Variants in SLFN11 observed in about 807,000 individuals in gnomAD.
SLFN11 encodes the protein schlafen family member 11.
SLFN11 carries 43 observed loss-of-function variants against 53.4 expected under a neutral mutation model. The ratio of observed to expected loss-of-function variants is 0.80; its 90% CI spans 0.63 to 1.04. The LOEUF (loss-of-function observed/expected upper bound fraction) is 1.04. Ranked by LOEUF, SLFN11 falls within the 50% of genes least tolerant of loss-of-function variation. The pLI, the probability that SLFN11 is intolerant of heterozygous loss-of-function variation, is 0.00. For missense variants in SLFN11, 990 were observed against 1,079.1 expected, an observed-to-expected ratio of 0.92 and a Z score of 1.16; for synonymous variants, 389 against 394.7, an observed-to-expected ratio of 0.99 and a Z score of 0.17.
chr17:35,371,959 T>C (rs930502135), intron 1 of SLFN11, among the ~76,000 whole-genome samples: 4 of 152,060 alleles, frequency 2.6e-5, no homozygotes, highest in Non-Finnish European at 5.9e-5. Flanking sequence ...ATTCAGCAAT[T>C]CTACTCCTAA....
intron 1 of SLFN11, 66 bp downstream of exon 1, chr17:35,373,399 CACCCCTCCA>C: frequency 1.3e-5 from 2 of 151,812 alleles, no homozygotes; most frequent in East Asian, 3.9e-4. Context: ...AGCCCCTCCG[CACCCCTCCA>C]GCCCCTCCCC....
chr17:35,353,216 G>C (rs576397299), intron 6 of SLFN11, 77 bp from the exon 7 acceptor site: 3 of 1,593,046 alleles, frequency 1.9e-6, no homozygotes, highest in South Asian at 2.3e-5. Context: ...ATGTTCCTCC[G>C]AGCACAGTAC....
chr17:35,370,033 C>T (rs890711062), intron 1 of SLFN11, among the ~76,000 whole-genome samples: 3 of 152,018 alleles, frequency 2.0e-5, no homozygotes, highest in African/African-American at 4.8e-5. Context: ...ATTACTGATA[C>T]CAAAACCAAA....
Position 35,353,551 on chromosome 17 carries a change from G to A in SLFN11, c.1707C>T (p.Leu569=), listed in dbSNP as rs532692465. The A allele has an allele frequency of 1.1e-5, 15 of 1,330,284 alleles. No individual in the cohort carries two copies. The Middle Eastern group carries it at 1.0e-3, about 92-fold the overall frequency. The allele number at this position is 1,330,284 out of a possible 1,614,324, so 82.4% of individuals were successfully genotyped here. A position where few individuals can be genotyped will look rare whatever the true frequency, so the allele number is the denominator to read the frequency against. Residue 569 remains leucine, a synonymous_variant, in exon 6 of 7, where the codon CTC becomes CTT. Coordinates refer to ENST00000685675, the MANE Select transcript of SLFN11 (RefSeq NM_001376007.1). ...LGFRSLLSDQ[L]GCEVLNLLTA... is the part of the protein sequence containing the mutation. ...TGAGCAGATTTAAAACCTCACAGCC[G>A]AGCTGGTCACTCAAGAGAGACCTGA...
intron 3 of SLFN11, 144 bp from the exon 4 acceptor site, chr17:35,363,970 G>A: frequency 1.6e-6 from 1 of 629,330 alleles, no homozygotes; most frequent in Non-Finnish European, 2.6e-6. Flanking sequence ...AGAATGGCTG[G>A]CAAGGAAGGG....
In SLFN11 at chr17:35,351,333, A is replaced by T. The variant is rs1906650312; in HGVS notation, c.*1023T>A. The T allele has an allele frequency of 2.0e-5, 3 of 152,234 alleles. No individual in the cohort carries two copies. The allele number at this position is 152,234 out of a possible 1,614,324, so 9.4% of individuals were successfully genotyped here. ...CCTTAATTACTTCCTTAGCAGCCCC[A>T]GCTCCACAGTGCAGGTTGGGGCTTC... On this transcript the variant is annotated 3_prime_UTR_variant, in exon 7 of 7. Coordinates refer to ENST00000685675, the MANE Select transcript of SLFN11 (RefSeq NM_001376007.1).
intron 5 of SLFN11, among the ~76,000 whole-genome samples, chr17:35,357,838 T>A (rs1185859380): frequency 6.9e-6 from 1 of 144,454 alleles, no homozygotes; most frequent in South Asian, 2.1e-4. Flanking sequence ...AATAATAAAA[T>A]TAAAAATATA....
chr17:35,364,389 C>T (rs1010926033), intron 3 of SLFN11, among the ~76,000 whole-genome samples: 13 of 152,064 alleles, frequency 8.5e-5, no homozygotes, highest in Non-Finnish European at 1.6e-4. Flanking sequence ...ACAGAGGTCT[C>T]AGATCTATGG....
At chr17:35,355,287 C>A (rs1907318997) in intron 5 of SLFN11, among the ~76,000 whole-genome samples, 1 of 152,158 alleles carries the variant, frequency 6.6e-6, no homozygotes, top group South Asian at 2.1e-4. Context: ...GTAGTTCCAG[C>A]TACTCAGGAG....
In SLFN11 at chr17:35,363,247, C is replaced by T. The variant is rs750353641; in HGVS notation, c.561G>A (p.Ser187=). The change falls in exon 4 of 7, where the codon TCG becomes TCA. Residue 187 remains serine (S), a synonymous_variant. Transcript: ENST00000685675. ...LPNSDPADPN[S]DPADLIFQKD... ...TTTGGAAAATTAGGTCAGCAGGATC[C>T]GAGTTTGGGTCAGCAGGATCCGAGT... 46 of 1,613,918 alleles carry T rather than the reference C, an allele frequency of 2.9e-5. 2 individuals carry two copies. Among genetic ancestry groups the T allele is most frequent in the Non-Finnish European group, 3.7e-5 (44 of 1,179,970 alleles).
intron 5 of SLFN11, 76 bp from the exon 6 acceptor site, chr17:35,354,135 AATTG>A: frequency 7.9e-7 from 1 of 1,272,206 alleles, no homozygotes; most frequent in South Asian, 2.0e-5. Context: ...ATAATTAACT[AATTG>A]ATTAACTAAA....
chr17:35,369,074 A>T (rs1909320279), intron 1 of SLFN11, among the ~76,000 whole-genome samples: 1 of 152,080 alleles, frequency 6.6e-6, no homozygotes, highest in African/African-American at 2.4e-5. Flanking sequence ...GCTGTGGTGC[A>T]TACAGGCAGA....
intron 3 of SLFN11, among the ~76,000 whole-genome samples, chr17:35,364,475 A>G (rs1334135947): frequency 2.0e-5 from 3 of 152,102 alleles, no homozygotes; most frequent in African/African-American, 7.2e-5. Context: ...AGGTACAGCT[A>G]GGTGATGACT....
chr17:35,360,572 T>C (rs772509593), intron 4 of SLFN11, among the ~76,000 whole-genome samples: 4 of 151,994 alleles, frequency 2.6e-5, no homozygotes, highest in Non-Finnish European at 4.4e-5. Context: ...GAAAAGCCAT[T>C]ATTTGGAAGT....
rs568321822 is a variant in SLFN11, at chr17:35,361,929, G to T, written c.1069+810C>A. Among the ~76,000 whole-genome samples the T allele has an allele frequency of 7.9e-5, 12 of 152,022 alleles. 1 individual carries two copies. In the South Asian group the frequency reaches 2.3e-3, roughly 29 times the overall value. On this transcript the variant is annotated intron_variant, in intron 4 of 6. Transcript: ENST00000685675. Reference sequence around the variant, plus strand: ...CTGACTAATTTTTCTATTTTTAGTAGAGACGGGGTTTCACCATATTGGTCT... The same window carrying T: ...CTGACTAATTTTTCTATTTTTAGTATAGACGGGGTTTCACCATATTGGTCT...
At chr17:35,361,330 G>T (rs1735243566) in intron 4 of SLFN11, among the ~76,000 whole-genome samples, 1 of 152,060 alleles carries the variant, frequency 6.6e-6, no homozygotes, top group Non-Finnish European at 1.5e-5. Flanking sequence ...GAGCATAATG[G>T]GTACATGGTG....
intron 1 of SLFN11, among the ~76,000 whole-genome samples, chr17:35,368,388 G>A (rs893631594): frequency 1.2e-4 from 19 of 152,162 alleles, no homozygotes; most frequent in African/African-American, 4.1e-4. Context: ...CCCTGTTACA[G>A]TGAAAAGCAA....
chr17:35,361,874 A>T (rs977319656), intron 4 of SLFN11, among the ~76,000 whole-genome samples: 1 of 151,894 alleles, frequency 6.6e-6, no homozygotes, highest in African/African-American at 2.4e-5. Flanking sequence ...CCTCCCAAGT[A>T]GCTGAGACCA....
At position 35,353,818 on chromosome 17, in the gene SLFN11, A is replaced by G. The variant is rs1215964412; in HGVS notation, c.1440T>C (p.Asp480=). ...GAGTGCAGTAGTCCTGGCCCTCTGC[A>G]TCTTGCTCCCTGAGAATGGTGTAGA... The part of the protein sequence containing the change: ...PILYTILREQ[D]AEGQDYCTRT... Residue 480 remains aspartate, a synonymous_variant, in exon 6 of 7, where the codon GAT becomes GAC. Transcript: ENST00000685675. 1.9e-6 allele frequency: 3 copies of G among 1,594,980 alleles called. No individual in the cohort carries two copies. The East Asian group carries it at 6.7e-5, about 36-fold the overall frequency.
Sources: allele counts gnomAD v4.1 joint callset (sites outside exome capture counted in the v4.1 genomes callset), GRCh38; gene constraint gnomAD v4.1.1; transcripts MANE v1.5; gene names NCBI Gene and HGNC (gene_info 2026-07-23, HGNC 2026-07-21).